The following WDFY3 variants were observed in gnomAD, a reference collection of about 807,000 sequenced individuals.
WDFY3 encodes WD repeat and FYVE domain-containing protein 3.
In WDFY3, 66 loss-of-function variants were observed where a neutral mutation model predicts 409.6. The observed-to-expected ratio is 0.16, with a 90% CI of 0.13 to 0.20. WDFY3 has a LOEUF of 0.20. Ranked by LOEUF, WDFY3 falls within the 10% of genes least tolerant of loss-of-function variation. The pLI, the probability that WDFY3 is intolerant of heterozygous loss-of-function variation, is 1.00. For missense variants in WDFY3, 3,031 were observed against 4,298.1 expected (o/e 0.71, Z 8.24); for synonymous variants, 1,521 against 1,537.1 (o/e 0.99, Z 0.25).
At position 84,873,410 on chromosome 4, in the gene WDFY3, G is replaced by T. The variant is rs147348955; in HGVS notation, c.-31-12788C>A. Among the ~76,000 whole-genome samples, 349 of 152,292 alleles carry T rather than the reference G, an allele frequency of 2.3e-3. 1 individual carries two copies. The highest frequency in any genetic ancestry group is 7.9e-3 in the African/African-American group (327 of 41,564). ...AAATAAACATATGGTCCAAAGACTG[G>T]TCAAGAGAAACTGAAACACATTTTG... On this transcript the variant is annotated intron_variant, in intron 3 of 67. Transcript: ENST00000295888.
chr4:84,821,374 A>G lies in WDFY3; in HGVS notation c.1301T>C (p.Ile434Thr), dbSNP rs768522910. The G allele has an allele frequency of 1.4e-5, 23 of 1,613,930 alleles. No individual in the cohort carries two copies. The highest frequency in any genetic ancestry group is 1.9e-5 in the Non-Finnish European group (22 of 1,179,884). Residue 434 changes from isoleucine to threonine, a missense_variant, in exon 11 of 68, where the codon ATT (isoleucine) becomes ACT (threonine). Ile to Thr is a moderately conservative substitution (Grantham distance 89). This residue lies in a region of WDFY3 where 1,322 missense variants were observed against 1,697.9 expected (regional missense o/e 0.78). Transcript: ENST00000295888. ...GTTTTGTACTTCTGGGAGTTTAGAA[A>G]TCTTCTCTGCAAACTGTGACAATGT... The part of the protein sequence containing the change: ...QHTLSQFAEK[I>T]SKLPEVQNKY...
At position 84,687,247 on chromosome 4, in the gene WDFY3, G is replaced by A. The variant is rs187116929; in HGVS notation, c.9543+839C>T. ...CCATCTCCACCTCCCGGGTTCAAGC[G>A]GTTCTCCTGCCTCATCCTCCCAAAT... On this transcript the variant is annotated intron_variant, in intron 62 of 67. Transcript: ENST00000295888. 6.6e-5 allele frequency among the ~76,000 whole-genome samples: 10 copies of A among 152,070 alleles called. No homozygotes were observed. In the East Asian group the frequency reaches 1.7e-3, roughly 27 times the overall value.
intron 32 of WDFY3, among the ~76,000 whole-genome samples, chr4:84,764,561 G>A (rs1234572684): frequency 1.3e-5 from 2 of 152,026 alleles, no homozygotes; most frequent in East Asian, 3.9e-4. Context: ...GTACTATGTT[G>A]AAAGACCTGT....
At chr4:84,871,126 G>C (rs541277501) in intron 3 of WDFY3, among the ~76,000 whole-genome samples, 1 of 152,182 alleles carries the variant, frequency 6.6e-6, no homozygotes, top group East Asian at 1.9e-4. Context: ...GAAGCCCAGA[G>C]AACGCCAACA....
intron 32 of WDFY3, among the ~76,000 whole-genome samples, chr4:84,759,050 T>C (rs923877930): frequency 3.9e-5 from 6 of 152,226 alleles, no homozygotes; most frequent in African/African-American, 4.8e-5. Context: ...GCACCATTTA[T>C]TGAACAGGGA....
chr4:84,755,855 G>A (rs770964808), intron 33 of WDFY3, among the ~76,000 whole-genome samples: 7 of 152,112 alleles, frequency 4.6e-5, no homozygotes, highest in Non-Finnish European at 8.8e-5. Flanking sequence ...ATTAATAGCA[G>A]TTTTATATAT....
chr4:84,695,156 C>A (rs987978420), intron 58 of WDFY3, among the ~76,000 whole-genome samples: 2 of 152,030 alleles, frequency 1.3e-5, no homozygotes, highest in African/African-American at 4.8e-5. Context: ...ATACCTCGGA[C>A]AATGGGGATG....
chr4:84,875,035 C>T (rs1166708655), intron 3 of WDFY3, among the ~76,000 whole-genome samples: 10 of 151,770 alleles, frequency 6.6e-5, no homozygotes, highest in African/African-American at 2.4e-4. Flanking sequence ...TTTGGGAGTC[C>T]GAGGCGGGCA....
At chr4:84,706,935 C>G (rs1578197604) in intron 53 of WDFY3, among the ~76,000 whole-genome samples, 1 of 148,302 alleles carries the variant, frequency 6.7e-6, no homozygotes, top group African/African-American at 2.5e-5. Context: ...TTTATTTTTA[C>G]TTCTTTTTTT....
chr4:84,764,864 C>CA (rs554582388), intron 32 of WDFY3, among the ~76,000 whole-genome samples: 1,569 of 71,906 alleles, frequency 0.022, 21 homozygotes, highest in African/African-American at 0.05. Flanking sequence ...GACTCCGACT[C>CA]AAAAAAAAAA....
intron 3 of WDFY3, among the ~76,000 whole-genome samples, chr4:84,878,404 C>T (rs576094891): frequency 6.6e-6 from 1 of 152,196 alleles, no homozygotes; most frequent in East Asian, 1.9e-4. Flanking sequence ...CAGAATTACA[C>T]TGGTAAAACC....
intron 32 of WDFY3, among the ~76,000 whole-genome samples, chr4:84,761,305 G>A (rs1488663668): frequency 5.3e-5 from 8 of 152,184 alleles, no homozygotes; most frequent in African/African-American, 1.9e-4. Context: ...GGAGAGTTCT[G>A]TAGATGTCTA....
intron 17 of WDFY3, 108 bp from the exon 18 acceptor site, chr4:84,798,216 T>TA: frequency 1.1e-6 from 1 of 926,926 alleles, no homozygotes; most frequent in Non-Finnish European, 1.6e-6. Flanking sequence ...CTAATTACAA[T>TA]AAAAAAATGC....
intron 13 of WDFY3, 56 bp from the exon 14 acceptor site, chr4:84,810,400 A>G: frequency 7.2e-7 from 1 of 1,393,662 alleles, no homozygotes; most frequent in South Asian, 1.5e-5. Flanking sequence ...AAAAAAAAAA[A>G]AAACCACTAT....
At position 84,754,065 on chromosome 4, in the gene WDFY3, C is replaced by CA. The variant is rs1191782211; in HGVS notation, c.5560-190dup. Among the ~76,000 whole-genome samples, 6 of 152,008 alleles carry CA rather than the reference C, an allele frequency of 3.9e-5. No individual in the cohort carries two copies. In the East Asian group the frequency reaches 7.7e-4, roughly 20 times the overall value. Reference sequence around the variant, plus strand: ...AAAGAAATTTAGAAACTAGCTAAAACAAAAAATCCCCTTAGAAACTGATAG... The same window carrying CA: ...AAAGAAATTTAGAAACTAGCTAAAACAAAAAAATCCCCTTAGAAACTGATAG... On this transcript the variant is annotated intron_variant, in intron 34 of 67. Coordinates refer to ENST00000295888, the MANE Select transcript of WDFY3 (RefSeq NM_014991.6).
intron 2 of WDFY3, among the ~76,000 whole-genome samples, chr4:84,907,462 A>G (rs1767194025): frequency 6.6e-6 from 1 of 152,138 alleles, no homozygotes; most frequent in South Asian, 2.1e-4. Flanking sequence ...GACAGCTAGT[A>G]AGAAATTGAG....
intron 3 of WDFY3, among the ~76,000 whole-genome samples, chr4:84,876,330 C>A (rs1272014661): frequency 1.3e-5 from 2 of 152,130 alleles, no homozygotes; most frequent in Non-Finnish European, 2.9e-5. Flanking sequence ...GACAGTATAA[C>A]ATATTAGTTA....
In WDFY3 at chr4:84,801,841, G is replaced by A. The variant is rs1750624034; in HGVS notation, c.2631C>T (p.Ala877=). Residue 877 remains alanine, a synonymous_variant, in exon 17 of 68, where the codon GCC becomes GCT. Transcript: ENST00000295888. ...QPEHALDLQL[A]VANILQSLVH... is the part of the protein sequence containing the mutation. ...CCAGGGATTGTAAAATATTTGCCACGGCAAGTTGAAGATCCAAAGCATGCT... is the reference window on the plus strand; with the variant it reads ...CCAGGGATTGTAAAATATTTGCCACAGCAAGTTGAAGATCCAAAGCATGCT... 18 of 1,614,036 alleles carry A rather than the reference G, an allele frequency of 1.1e-5. No individual in the cohort carries two copies. The highest frequency in any genetic ancestry group is 2.2e-5 in the South Asian group (2 of 91,064).
intron 36 of WDFY3, among the ~76,000 whole-genome samples, chr4:84,751,005 T>C (rs936064030): frequency 6.6e-6 from 1 of 152,264 alleles, no homozygotes; most frequent in East Asian, 1.9e-4. Flanking sequence ...AAGAAGACAA[T>C]GCCACTAGGC....
Sources: allele counts gnomAD v4.1 joint callset (sites outside exome capture counted in the v4.1 genomes callset), GRCh38; gene constraint gnomAD v4.1.1; regional missense constraint gnomAD v4.1.1; transcripts MANE v1.5; gene names NCBI Gene and HGNC (gene_info 2026-07-23, HGNC 2026-07-21).